INPP5D: variants seen among roughly 807,000 people sequenced by gnomAD.
INPP5D encodes inositol polyphosphate-5-phosphatase D, also known as phosphatidylinositol 3,4,5-trisphosphate 5-phosphatase 1.
INPP5D carries 33 observed loss-of-function variants against 122.9 expected under a neutral mutation model. That is an observed-to-expected ratio of 0.27 (90% CI 0.20 to 0.36). The LOEUF (loss-of-function observed/expected upper bound fraction) is 0.36, where lower values mean the gene tolerates loss of function less well. INPP5D is among the 10% of genes least tolerant of loss of function. The pLI is 1.00. For missense variants in INPP5D, 1,053 were observed against 1,412.7 expected (o/e 0.75, Z 4.08); for synonymous variants, 584 against 576.2 (o/e 1.01, Z -0.19).
In INPP5D at chr2:233,163,725, A is replaced by G. The variant is rs1694251985; in HGVS notation, c.1259A>G (p.Lys420Arg). The change falls in exon 12 of 27, where the codon AAG (lysine) becomes AGG (arginine). Residue 420 changes from lysine to arginine, a missense_variant. Around this residue, in one of 6 missense-constraint regions of INPP5D, gnomAD observed 105 missense variants for 199.8 expected, o/e 0.53. Coordinates refer to ENST00000445964, the MANE Select transcript of INPP5D (RefSeq NM_001017915.3). The part of the protein sequence containing the change: ...TWNMGNAPPP[K>R]KITSWFLSKG... ...GTTGAAGGTAACGCCCCCCCTCCCA[A>G]GAAGATCACGTCCTGGTTTCTCTCC... 1 of 1,613,762 alleles carries G rather than the reference A, an allele frequency of 6.2e-7. No individual in the cohort carries two copies. The highest frequency in any genetic ancestry group is 8.5e-7 in the Non-Finnish European group (1 of 1,179,824).
At chr2:233,131,101 T>C (rs925294675) in intron 5 of INPP5D, 2 of 921,580 alleles carry the variant, frequency 2.2e-6, no homozygotes, top group African/African-American at 3.6e-5. Flanking sequence ...TGTCAATTTT[T>C]CAAAGGGAGA....
In INPP5D at chr2:233,204,331, G is replaced by A. The variant is rs1481183285; in HGVS notation, c.3181G>A (p.Val1061Met). 9 of 1,611,288 alleles carry A rather than the reference G, an allele frequency of 5.6e-6. No homozygotes were observed. Among genetic ancestry groups the A allele is most frequent in the Admixed American group, 3.3e-5 (2 of 59,870 alleles). ...ACCCGGCATCTTGTCGCCCAGCATC[G>A]TGCTCACCAAAGCCCAGGAGGCTGA... is the stretch of plus-strand genomic sequence containing the variant. ...PEPGILSPSIVLTKAQEADRG... is the reference protein window; with the variant it reads ...PEPGILSPSIMLTKAQEADRG... Residue 1061 changes from valine (V) to methionine (M), a missense_variant, in exon 26 of 27, where the codon GTG becomes ATG. This residue lies in a region of INPP5D where 417 missense variants were observed against 425.8 expected (regional missense o/e 0.98). Coordinates refer to ENST00000445964, the MANE Select transcript of INPP5D (RefSeq NM_001017915.3).
intron 11 of INPP5D, among the ~76,000 whole-genome samples, chr2:233,162,823 G>A (rs1483942304): frequency 6.6e-6 from 1 of 152,122 alleles, no homozygotes; most frequent in Non-Finnish European, 1.5e-5. Flanking sequence ...TGCCCCAGGG[G>A]GTCACTTGTC....
chr2:233,168,067 C>A (rs1425784566), intron 13 of INPP5D, among the ~76,000 whole-genome samples: 1 of 141,920 alleles, frequency 7.0e-6, no homozygotes. Flanking sequence ...CCAAATAGAT[C>A]ATAAATAAAT....
At chr2:233,097,783 T>C (rs185857173) in intron 2 of INPP5D, among the ~76,000 whole-genome samples, 216 of 152,304 alleles carry the variant, frequency 1.4e-3, no homozygotes, top group African/African-American at 4.2e-3. Context: ...TTCCTTCCAA[T>C]GCAACTCATT....
intron 9 of INPP5D, among the ~76,000 whole-genome samples, chr2:233,152,877 T>C (rs36148770): frequency 0.51 from 77,329 of 151,932 alleles, 20,328 homozygotes; most frequent in East Asian, 0.66. Flanking sequence ...GGGGGTGTGG[T>C]GTGATTCCAC....
In INPP5D at chr2:233,198,312, T is replaced by A; in HGVS notation, c.2911T>A (p.Ser971Thr). Residue 971 changes from serine to threonine, a missense_variant, in exon 25 of 27, where the codon TCA becomes ACA. By Grantham distance (58) the Ser-to-Thr change is moderately conservative. Coordinates refer to ENST00000445964, the MANE Select transcript of INPP5D (RefSeq NM_001017915.3). ...PPTPPGQPPISPKKFLPSTAN... is the reference protein window; with the variant it reads ...PPTPPGQPPITPKKFLPSTAN... The stretch of plus-strand genomic sequence containing the variant: ...GACACCTCCCGGCCAGCCGCCCATA[T>A]CACCCAAGAAGTTTTTACCCTCAAC... The A allele has an allele frequency of 6.2e-7, 1 of 1,613,636 alleles. No individual in the cohort carries two copies. The highest frequency in any genetic ancestry group is 8.5e-7 in the Non-Finnish European group (1 of 1,179,898).
At chr2:233,152,053 G>T (rs1035777252) in intron 9 of INPP5D, among the ~76,000 whole-genome samples, 1 of 152,186 alleles carries the variant, frequency 6.6e-6, no homozygotes, top group Non-Finnish European at 1.5e-5. Context: ...AGGTAAACCG[G>T]ATGCATGTGT....
chr2:233,063,335 G>A (rs986514340), intron 1 of INPP5D, among the ~76,000 whole-genome samples: 6 of 152,212 alleles, frequency 3.9e-5, no homozygotes, highest in African/African-American at 1.4e-4. Flanking sequence ...TCCTGCCTGG[G>A]CCCCAGCAGC....
chr2:233,099,925 C>T (rs1692256095), intron 2 of INPP5D, among the ~76,000 whole-genome samples: 1 of 152,170 alleles, frequency 6.6e-6, no homozygotes, highest in Non-Finnish European at 1.5e-5. Flanking sequence ...AGGTGAAGGG[C>T]ACATCTCATG....
At chr2:233,136,338 A>G (rs1053636673) in intron 5 of INPP5D, among the ~76,000 whole-genome samples, 1 of 152,126 alleles carries the variant, frequency 6.6e-6, no homozygotes, top group African/African-American at 2.4e-5. Context: ...AATTAGCTGA[A>G]TGTGGTGTTG....
chr2:233,111,464 G>C (rs750883097), intron 2 of INPP5D, among the ~76,000 whole-genome samples: 1 of 152,052 alleles, frequency 6.6e-6, no homozygotes, highest in Non-Finnish European at 1.5e-5. Flanking sequence ...CCTTTAATTG[G>C]GCACAGTTCC....
intron 2 of INPP5D, among the ~76,000 whole-genome samples, chr2:233,086,071 C>T (rs565271971): frequency 6.6e-6 from 1 of 152,230 alleles, no homozygotes; most frequent in East Asian, 1.9e-4. Context: ...TTGTGGGCTT[C>T]TAGTAAAGGT....
At chr2:233,069,969 C>T (rs1213049147) in intron 1 of INPP5D, among the ~76,000 whole-genome samples, 2 of 152,188 alleles carry the variant, frequency 1.3e-5, no homozygotes, top group Non-Finnish European at 2.9e-5. Context: ...AGAGTGCCCG[C>T]CTCATTCTAA....
In INPP5D at chr2:233,130,943, A is replaced by G. The variant is rs1693308734; in HGVS notation, c.665+295A>G. The G allele has an allele frequency of 3.4e-5, 19 of 554,838 alleles. 1 individual carries two copies. The highest frequency in any genetic ancestry group is 2.8e-4 in the South Asian group (18 of 63,780). 34.4% of individuals were successfully genotyped at this position (554,838 alleles called of 1,614,324 possible). A position where few individuals can be genotyped will look rare whatever the true frequency, so the allele number is the denominator to read the frequency against. On this transcript the variant is annotated intron_variant, in intron 5 of 26. Transcript: ENST00000445964. ...ACATGGCCAGCCCTTTCTCACTTGC[A>G]CAGGATCCAGCTCTTAAGATTTTTG... is the stretch of plus-strand genomic sequence containing the variant.
At chr2:233,079,088 C>G (rs1219422635) in intron 1 of INPP5D, among the ~76,000 whole-genome samples, 1 of 152,108 alleles carries the variant, frequency 6.6e-6, no homozygotes, top group African/African-American at 2.4e-5. Context: ...GGGTCCCCAC[C>G]TAAATGACCC....
In INPP5D at chr2:233,204,285, G is replaced by A. The variant is rs749329748; in HGVS notation, c.3135G>A (p.Lys1045=). ...AGGAATCCCCCAAAATGCCGCGGAAGGAACCCCCGCCCTGCCCGGAACCCG... is the reference window on the plus strand; with the variant it reads ...AGGAATCCCCCAAAATGCCGCGGAAAGAACCCCCGCCCTGCCCGGAACCCG... The part of the protein sequence containing the change: ...KDQESPKMPR[K]EPPPCPEPGI... Residue 1045 remains lysine (K), a synonymous_variant, in exon 26 of 27, where the codon AAG becomes AAA. Transcript: ENST00000445964. The A allele has an allele frequency of 6.2e-7, 1 of 1,613,306 alleles. No homozygotes were observed. Among genetic ancestry groups the A allele is most frequent in the South Asian group, 1.1e-5 (1 of 91,048 alleles).
intron 25 of INPP5D, among the ~76,000 whole-genome samples, chr2:233,203,783 A>T (rs1695401865): frequency 6.6e-6 from 1 of 152,030 alleles, no homozygotes. Flanking sequence ...TGCTACTCCC[A>T]GCAATGTCCA....
chr2:233,190,565 A>AT (rs1553595035), intron 22 of INPP5D, among the ~76,000 whole-genome samples: 121 of 152,356 alleles, frequency 7.9e-4, no homozygotes, highest in African/African-American at 2.9e-3. Flanking sequence ...TGCTGGAAAC[A>AT]CAGCTCAGGG....
Sources: gnomAD v4.1 joint callset for allele counts (sites outside exome capture counted in the v4.1 genomes callset) on GRCh38, gnomAD v4.1.1 for gene constraint, gnomAD v4.1.1 regional missense constraint, MANE v1.5 for transcripts, NCBI Gene and HGNC (gene_info 2026-07-23, HGNC 2026-07-21) for gene names.